The following ARHGEF28 variants were observed in gnomAD, a reference collection of about 807,000 sequenced individuals.
The protein encoded by ARHGEF28 is 190 kDa guanine nucleotide exchange factor.
In ARHGEF28, 152 loss-of-function variants were observed where a neutral mutation model predicts 206.6. The ratio of observed to expected loss-of-function variants is 0.74; its 90% CI spans 0.64 to 0.84. The LOEUF is 0.84. ARHGEF28 is among the 40% of genes least tolerant of loss of function. The pLI is 0.00. For synonymous variants in ARHGEF28, 763 were observed against 776.4 expected, an observed-to-expected ratio of 0.98 and a Z score of 0.29; for missense variants, 2,028 against 2,073.2, an observed-to-expected ratio of 0.98 and a Z score of 0.42.
At chr5:73,903,998 T>C in intron 31 of ARHGEF28, 2 of 544,438 alleles carry the variant, frequency 3.7e-6, no homozygotes, top group Admixed American at 7.0e-5. Context: ...AAAATTGCCA[T>C]CCATCTCAAA....
intron 10 of ARHGEF28, among the ~76,000 whole-genome samples, chr5:73,834,030 A>C (rs1001747936): frequency 4.6e-5 from 7 of 152,252 alleles, no homozygotes; most frequent in Middle Eastern, 3.4e-3. Context: ...GCCATGTTCT[A>C]GTATTTATTT....
Position 73,736,172 on chromosome 5 carries a change from G to A in ARHGEF28, c.34-13665G>A, listed in dbSNP as rs190653818. Among the ~76,000 whole-genome samples the A allele has an allele frequency of 6.6e-4, 100 of 152,292 alleles. 1 individual carries two copies. Among genetic ancestry groups the A allele is most frequent in the African/African-American group, 2.2e-3 (92 of 41,554 alleles). ...AGTCCTTGAACATGGTCATTTCTTC[G>A]AAGTACTCAATGGATACTCATGTGT... On this transcript the variant is annotated intron_variant, in intron 2 of 35. Transcript: ENST00000513042.
intron 35 of ARHGEF28, among the ~76,000 whole-genome samples, chr5:73,932,796 A>G (rs966955265): frequency 3.3e-5 from 2 of 59,760 alleles, no homozygotes; most frequent in Admixed American, 3.6e-4. Flanking sequence ...TTTATTTCCT[A>G]TTTCTTTTTT....
intron 29 of ARHGEF28, among the ~76,000 whole-genome samples, chr5:73,896,344 G>A (rs72772592): frequency 0.045 from 6,832 of 152,274 alleles, 166 homozygotes; most frequent in Middle Eastern, 0.11. Context: ...AGATGTCAGC[G>A]GGGGTCACCG....
At position 73,904,230 on chromosome 5, in the gene ARHGEF28, T is replaced by G; in HGVS notation, c.4083T>G (p.Cys1361Trp). 6.2e-7 allele frequency: 1 copy of G among 1,613,882 alleles called. No individual in the cohort carries two copies. The highest frequency in any genetic ancestry group is 8.5e-7 in the Non-Finnish European group (1 of 1,179,786). The part of the protein sequence containing the change: ...AVSDAGEKVE[C>W]RNFPGSSQSE... ...TTTTTTATGTATTTTAGGTGGAATG[T>G]AGAAATTTTCCAGGTTCTTCACAAT... Residue 1361 changes from cysteine (C) to tryptophan (W), a missense_variant, in exon 32 of 36, where the codon TGT becomes TGG. By Grantham distance (215) the Cys-to-Trp change is radical. Coordinates refer to ENST00000513042, the MANE Select transcript of ARHGEF28 (RefSeq NM_001177693.2).
rs1480205426 is a variant in ARHGEF28 at position 73,876,475 on chromosome 5, G to C, written c.2814+3229G>C. On this transcript the variant is annotated intron_variant, in intron 22 of 35. Transcript: ENST00000513042. ...ACACTATGTTGAATAGGAGTGGTGA[G>C]AGAGGGCATCCCTGTCTTGTGCCAG... Among the ~76,000 whole-genome samples, 322 of 139,080 alleles carry C rather than the reference G, an allele frequency of 2.3e-3. 1 individual carries two copies. The highest frequency in any genetic ancestry group is 6.0e-3 in the African/African-American group (216 of 35,774). The allele number at this position is 139,080 out of a possible 152,430, so 91.2% of individuals were successfully genotyped here.
intron 2 of ARHGEF28, among the ~76,000 whole-genome samples, chr5:73,733,199 C>T (rs1406872710): frequency 6.6e-6 from 1 of 152,048 alleles, no homozygotes; most frequent in Non-Finnish European, 1.5e-5. Context: ...TTTTGTATAT[C>T]CTGTGTTATT....
intron 2 of ARHGEF28, 100 bp downstream of exon 2, chr5:73,684,984 A>C (rs1747361316): frequency 7.7e-7 from 1 of 1,291,118 alleles, no homozygotes; most frequent in South Asian, 1.4e-5. Flanking sequence ...CTATTGAGTT[A>C]AGGCTTTTTA....
chr5:73,925,446 G>A (rs1025835320), intron 35 of ARHGEF28, among the ~76,000 whole-genome samples: 1 of 152,158 alleles, frequency 6.6e-6, no homozygotes, highest in East Asian at 1.9e-4. Context: ...CCAGGGCCAC[G>A]TGCTTCCACA....
Position 73,795,360 on chromosome 5 carries a change from T to A in ARHGEF28, c.993T>A (p.Asn331Lys), listed in dbSNP as rs752068309. ...KRVKSLVVQH[N>K]EHEDQHSLDL... is the part of the protein sequence containing the mutation. ...TCAAAAGCCTGGTGGTTCAACACAA[T>A]GAACATGAAGACCAGCACAGCCTAG... The change falls in exon 9 of 36, where the codon AAT becomes AAA. Residue 331 changes from asparagine to lysine, a missense_variant. Physicochemically the swap from Asn to Lys is moderately conservative, Grantham distance 94. This residue lies in a region of ARHGEF28 where 1,002 missense variants were observed against 1,015.3 expected (regional missense o/e 0.99). Coordinates refer to ENST00000513042, the MANE Select transcript of ARHGEF28 (RefSeq NM_001177693.2). The A allele has an allele frequency of 6.2e-7, 1 of 1,613,932 alleles. No homozygotes were observed. The highest frequency in any genetic ancestry group is 8.5e-7 in the Non-Finnish European group (1 of 1,179,848).
At chr5:73,922,138 T>C (rs947900080) in intron 35 of ARHGEF28, among the ~76,000 whole-genome samples, 3 of 152,246 alleles carry the variant, frequency 2.0e-5, no homozygotes, top group Non-Finnish European at 4.4e-5. Context: ...TTTCCATTTC[T>C]CAAAGACTGT....
chr5:73,742,825 C>T lies in ARHGEF28; in HGVS notation c.34-7012C>T, dbSNP rs557122690. Reference sequence around the variant, plus strand: ...CGGCCTGGGCGACAGAGCGAGACTCCGTCTCAAAAAAAAAAAAAAAAAAAA... The same window carrying T: ...CGGCCTGGGCGACAGAGCGAGACTCTGTCTCAAAAAAAAAAAAAAAAAAAA... On this transcript the variant is annotated intron_variant, in intron 2 of 35. Transcript: ENST00000513042. 6.3e-4 allele frequency among the ~76,000 whole-genome samples: 87 copies of T among 137,294 alleles called. 1 individual carries two copies. In the South Asian group the frequency reaches 0.018, roughly 28 times the overall value. 90.1% of individuals were successfully genotyped at this position (137,294 alleles called of 152,430 possible). A position where few individuals can be genotyped will look rare whatever the true frequency, so the allele number is the denominator to read the frequency against.
chr5:73,677,252 C>A (rs1446190701), intron 1 of ARHGEF28, among the ~76,000 whole-genome samples: 1 of 152,086 alleles, frequency 6.6e-6, no homozygotes, highest in African/African-American at 2.4e-5. Flanking sequence ...CTTCATATAA[C>A]CTTGTAATGG....
intron 2 of ARHGEF28, among the ~76,000 whole-genome samples, chr5:73,746,377 T>C (rs11747023): frequency 0.24 from 35,943 of 151,850 alleles, 4,915 homozygotes; most frequent in Non-Finnish European, 0.31. Flanking sequence ...TGTAGAAAAA[T>C]ACTTTTGATA....
rs373353951 is a variant in ARHGEF28 at position 73,666,506 on chromosome 5, C to A, written c.-11-18335C>A. Among the ~76,000 whole-genome samples, 3 of 152,302 alleles carry A rather than the reference C, an allele frequency of 2.0e-5. No homozygotes were observed. In the East Asian group the frequency reaches 5.8e-4, roughly 29 times the overall value. On this transcript the variant is annotated intron_variant, in intron 1 of 35. Transcript: ENST00000513042. ...TCTCTGTGTTGGTCCCCAGGCTGTCCCACGTGTCCTTTGAAATGTAGGTGG... is the reference window on the plus strand; with the variant it reads ...TCTCTGTGTTGGTCCCCAGGCTGTCACACGTGTCCTTTGAAATGTAGGTGG...
At chr5:73,650,792 G>C (rs1744768889) in intron 1 of ARHGEF28, among the ~76,000 whole-genome samples, 1 of 151,980 alleles carries the variant, frequency 6.6e-6, no homozygotes, top group African/African-American at 2.4e-5. Context: ...GGGACCACAG[G>C]CATGTGCCAC....
chr5:73,883,723 A>G (rs760298521), intron 23 of ARHGEF28, 44 bp from the exon 24 acceptor site: 42 of 1,292,310 alleles, frequency 3.2e-5, no homozygotes, highest in Non-Finnish European at 4.3e-5. Flanking sequence ...CTGAAAAGTA[A>G]ATACAGGTAG....
At chr5:73,639,459 T>C (rs1046022390) in intron 1 of ARHGEF28, among the ~76,000 whole-genome samples, 2 of 151,918 alleles carry the variant, frequency 1.3e-5, no homozygotes, top group African/African-American at 4.8e-5. Flanking sequence ...AATGTGTGTA[T>C]GTATACATAT....
intron 9 of ARHGEF28, among the ~76,000 whole-genome samples, chr5:73,798,119 TA>T (rs1349505806): frequency 6.6e-6 from 1 of 152,208 alleles, no homozygotes; most frequent in Non-Finnish European, 1.5e-5. Context: ...GAGATGTATA[TA>T]TTTTTAGGGT....
Sources: allele counts gnomAD v4.1 joint callset (sites outside exome capture counted in the v4.1 genomes callset), GRCh38; gene constraint gnomAD v4.1.1; regional missense constraint gnomAD v4.1.1; transcripts MANE v1.5; gene names NCBI Gene and HGNC (gene_info 2026-07-23, HGNC 2026-07-21).